The following RALGAPA1 variants were observed in gnomAD, a reference collection of about 807,000 sequenced individuals.
The protein encoded by RALGAPA1 is ral GTPase-activating protein subunit alpha-1.
Under a neutral mutation model 269.6 loss-of-function variants are expected in RALGAPA1, and 52 were observed. That is an observed-to-expected ratio of 0.19 (90% confidence interval 0.15 to 0.24). The LOEUF (loss-of-function observed/expected upper bound fraction) is 0.24. Ranked by LOEUF, RALGAPA1 falls within the 10% of genes least tolerant of loss-of-function variation. The probability of loss-of-function intolerance (pLI) is 1.00; values close to 1 mark genes in which losing one functional copy is unlikely to be tolerated. For synonymous variants in RALGAPA1, 817 were observed against 1,008.3 expected (o/e 0.81, Z 3.60); for missense variants, 1,917 against 3,013.9 (o/e 0.64, Z 8.52).
rs183086830 is a variant in RALGAPA1 at position 35,749,263 on chromosome 14, A to G, written c.1012-439T>C. ...TTTTACTGTGGACAAAAATTTAGAC[A>G]AGTAAAAGTTTCCTAAACAAAACAA... On this transcript the variant is annotated intron_variant, in intron 9 of 41. Transcript: ENST00000680220. 2.5e-3 allele frequency among the ~76,000 whole-genome samples: 382 copies of G among 152,322 alleles called. 1 individual carries two copies. The highest frequency in any genetic ancestry group is 3.6e-3 in the Non-Finnish European group (243 of 68,010).
chr14:35,609,059 T>C (rs1464063979), intron 35 of RALGAPA1, among the ~76,000 whole-genome samples: 1 of 152,084 alleles, frequency 6.6e-6, no homozygotes, highest in Non-Finnish European at 1.5e-5. Context: ...ACCCCGTCTC[T>C]ACTAAAAATA....
intron 1 of RALGAPA1, among the ~76,000 whole-genome samples, chr14:35,804,136 C>A (rs1295477138): frequency 6.6e-6 from 1 of 151,518 alleles, no homozygotes; most frequent in Non-Finnish European, 1.5e-5. Context: ...GTGACACCCA[C>A]CTGTAATCCC....
intron 26 of RALGAPA1, among the ~76,000 whole-genome samples, chr14:35,666,726 AC>A (rs2063977433): frequency 6.6e-6 from 1 of 152,222 alleles, no homozygotes; most frequent in Non-Finnish European, 1.5e-5. Context: ...AGTATTAGAT[AC>A]ACAAAGGAGA....
chr14:35,619,310 G>A lies in RALGAPA1; in HGVS notation c.6929+6051C>T, dbSNP rs576327703. On this transcript the variant is annotated intron_variant, in intron 35 of 41. Coordinates refer to ENST00000680220, the MANE Select transcript of RALGAPA1 (RefSeq NM_001346249.2). ...TGATGTGATTTATTACACACTGCAT[G>A]TCTGTATCAAAACATCTTATGTACC... 2.0e-5 allele frequency among the ~76,000 whole-genome samples: 3 copies of A among 152,202 alleles called. 1 individual carries two copies. The highest frequency in any genetic ancestry group is 4.2e-4 in the South Asian group (2 of 4,816).
intron 6 of RALGAPA1, among the ~76,000 whole-genome samples, chr14:35,760,215 A>G (rs1210829939): frequency 6.6e-6 from 1 of 152,102 alleles, no homozygotes; most frequent in Non-Finnish European, 1.5e-5. Context: ...TGATGCTTAT[A>G]CCTCTGGGGC....
chr14:35,669,191 G>A (rs1432339618), intron 26 of RALGAPA1, among the ~76,000 whole-genome samples: 19 of 152,070 alleles, frequency 1.2e-4, no homozygotes, highest in Admixed American at 1.2e-3. Context: ...CACATATAAC[G>A]TGTCACATAG....
intron 16 of RALGAPA1, among the ~76,000 whole-genome samples, chr14:35,701,637 C>CT (rs574611534): frequency 6.6e-6 from 1 of 151,846 alleles, no homozygotes. Flanking sequence ...ACCTGAAAAA[C>CT]TTTTTTTTCT....
intron 21 of RALGAPA1, among the ~76,000 whole-genome samples, chr14:35,680,849 C>T (rs956693532): frequency 1.4e-4 from 21 of 151,858 alleles, no homozygotes; most frequent in African/African-American, 4.8e-4. Flanking sequence ...CTCCTGACCT[C>T]GTGATCCACC....
chr14:35,717,840 G>A (rs1292705168), intron 16 of RALGAPA1, among the ~76,000 whole-genome samples: 3 of 152,134 alleles, frequency 2.0e-5, no homozygotes, highest in Non-Finnish European at 4.4e-5. Flanking sequence ...TTACAGGTGT[G>A]AGCCACTGTG....
At chr14:35,772,510 G>A (rs531074308) in intron 3 of RALGAPA1, among the ~76,000 whole-genome samples, 72 of 152,258 alleles carry the variant, frequency 4.7e-4, no homozygotes, top group African/African-American at 1.7e-3. Context: ...TCGATCAAGA[G>A]CTACCTTACT....
At chr14:35,593,707 A>G (rs569154575) in intron 37 of RALGAPA1, among the ~76,000 whole-genome samples, 1 of 152,194 alleles carries the variant, frequency 6.6e-6, no homozygotes, top group East Asian at 1.9e-4. Flanking sequence ...AAAAATAAAT[A>G]AATTAGTCAG....
chr14:35,721,939 G>A, intron 15 of RALGAPA1, 90 bp from the exon 16 acceptor site: 1 of 1,063,226 alleles, frequency 9.4e-7, no homozygotes, highest in Non-Finnish European at 1.4e-6. Flanking sequence ...AGAGTCTTAG[G>A]TTTGCTCACA....
intron 1 of RALGAPA1, among the ~76,000 whole-genome samples, chr14:35,780,659 G>A (rs2075364858): frequency 6.6e-6 from 1 of 152,190 alleles, no homozygotes; most frequent in African/African-American, 2.4e-5. Context: ...GAAAATCTTT[G>A]AGATGAATGT....
At chr14:35,768,387 T>C (rs1456012093) in intron 4 of RALGAPA1, among the ~76,000 whole-genome samples, 1 of 152,152 alleles carries the variant, frequency 6.6e-6, no homozygotes, top group Non-Finnish European at 1.5e-5. Flanking sequence ...TGCCACAGAA[T>C]GTTTTATAAA....
At chr14:35,590,893 T>C (rs538224314) in intron 37 of RALGAPA1, among the ~76,000 whole-genome samples, 2 of 152,330 alleles carry the variant, frequency 1.3e-5, no homozygotes, top group African/African-American at 4.8e-5. Flanking sequence ...GTTGGTTACA[T>C]TTAGTAATAG....
chr14:35,758,461 T>G (rs1389499955), intron 6 of RALGAPA1, among the ~76,000 whole-genome samples: 6 of 151,984 alleles, frequency 3.9e-5, no homozygotes, highest in African/African-American at 1.2e-4. Context: ...AGACTCCATA[T>G]TTTCCACATC....
intron 22 of RALGAPA1, 81 bp from the exon 23 acceptor site, chr14:35,674,790 A>C: frequency 1.6e-6 from 1 of 621,482 alleles, no homozygotes; most frequent in Non-Finnish European, 2.8e-6. Context: ...CTAAATTAAC[A>C]ATCTTAAATA....
At chr14:35,777,097 C>G (rs1367383172) in intron 1 of RALGAPA1, among the ~76,000 whole-genome samples, 1 of 151,970 alleles carries the variant, frequency 6.6e-6, no homozygotes, top group Non-Finnish European at 1.5e-5. Flanking sequence ...TTTTAAATTT[C>G]CTTGTAATCA....
chr14:35,687,629 T>C (rs1038759007), intron 18 of RALGAPA1, among the ~76,000 whole-genome samples: 6 of 152,216 alleles, frequency 3.9e-5, no homozygotes, highest in African/African-American at 1.2e-4. Context: ...TGAAAGTTAA[T>C]AGTCTATATA....
Sources: allele counts gnomAD v4.1 joint callset (sites outside exome capture counted in the v4.1 genomes callset), GRCh38; gene constraint gnomAD v4.1.1; transcripts MANE v1.5; gene names NCBI Gene and HGNC (gene_info 2026-07-23, HGNC 2026-07-21).